Variants in RALYL observed in about 807,000 individuals in gnomAD.
RALYL encodes the protein RALY RNA binding protein like, also known as RNA-binding Raly-like protein.
RALYL carries 29 observed loss-of-function variants against 35.1 expected under a neutral mutation model. The ratio of observed to expected loss-of-function variants is 0.83; its 90% CI spans 0.61 to 1.13. The LOEUF (loss-of-function observed/expected upper bound fraction) is 1.13. RALYL is among the 50% of genes most tolerant of loss of function. RALYL has a pLI of 0.00. For synonymous variants in RALYL, 120 were observed against 127.6 expected, an observed-to-expected ratio of 0.94 and a Z score of 0.40; for missense variants, 359 against 360.4, an observed-to-expected ratio of 1.00 and a Z score of 0.03.
chr8:84,502,467 T>C (rs1246103657), intron 1 of RALYL, among the ~76,000 whole-genome samples: 1 of 152,016 alleles, frequency 6.6e-6, no homozygotes, highest in Non-Finnish European at 1.5e-5. Flanking sequence ...TTAATTGCTA[T>C]TTGCAACAGG....
intron 2 of RALYL, among the ~76,000 whole-genome samples, chr8:84,753,509 C>T (rs1252187596): frequency 6.6e-6 from 1 of 152,032 alleles, no homozygotes; most frequent in African/African-American, 2.4e-5. Flanking sequence ...GTGTCCCTGC[C>T]CAAATCTCAT....
chr8:84,414,571 A>G (rs1025066104), intron 1 of RALYL, among the ~76,000 whole-genome samples: 2 of 152,184 alleles, frequency 1.3e-5, no homozygotes, highest in Non-Finnish European at 2.9e-5. Flanking sequence ...GATTTCGAGC[A>G]TATTTGACGT....
At chr8:84,423,680 G>C (rs1364500247) in intron 1 of RALYL, among the ~76,000 whole-genome samples, 3 of 151,738 alleles carry the variant, frequency 2.0e-5, no homozygotes, top group Non-Finnish European at 4.4e-5. Flanking sequence ...TTTTGCAGTG[G>C]CTGGTACCGG....
At chr8:84,668,655 C>T (rs1832568695) in intron 2 of RALYL, among the ~76,000 whole-genome samples, 1 of 152,036 alleles carries the variant, frequency 6.6e-6, no homozygotes, top group Non-Finnish European at 1.5e-5. Flanking sequence ...TTATGAGACA[C>T]TGTACAAATA....
At position 84,754,059 on chromosome 8, in the gene RALYL, G is replaced by T. The variant is rs556124652; in HGVS notation, c.257-20520G>T. ...TATTAGCCCTTTGTCAGATGAGTAG[G>T]TTGCGAAAATTTTCTCCCATTTTGT... On this transcript the variant is annotated intron_variant, in intron 2 of 8. Transcript: ENST00000521268. 4.6e-5 allele frequency among the ~76,000 whole-genome samples: 7 copies of T among 151,826 alleles called. No homozygotes were observed. In the South Asian group the frequency reaches 1.3e-3, roughly 27 times the overall value.
At chr8:84,635,773 A>C (rs1824935044) in intron 2 of RALYL, among the ~76,000 whole-genome samples, 1 of 151,762 alleles carries the variant, frequency 6.6e-6, no homozygotes, top group African/African-American at 2.4e-5. Context: ...TGGTGCGCAG[A>C]ATGGAAATAT....
At chr8:84,238,863 T>C (rs1827217939) in intron 1 of RALYL, among the ~76,000 whole-genome samples, 1 of 152,206 alleles carries the variant, frequency 6.6e-6, no homozygotes, top group African/African-American at 2.4e-5. Context: ...CTGTAATTAA[T>C]ATAATGAATT....
rs140792449 is a variant in RALYL, at chr8:84,886,927, T to C, written c.686-677T>C. 4.6e-5 allele frequency among the ~76,000 whole-genome samples: 7 copies of C among 152,326 alleles called. No individual in the cohort carries two copies. In the East Asian group the frequency reaches 1.4e-3, roughly 29 times the overall value. On this transcript the variant is annotated intron_variant, in intron 7 of 8. Coordinates refer to ENST00000521268, the MANE Select transcript of RALYL (RefSeq NM_173848.7). ...AAAACTGAGACACATGGAGGGTTAATCATTTCCACTTTGCACAGCATCACA... is the reference window on the plus strand; with the variant it reads ...AAAACTGAGACACATGGAGGGTTAACCATTTCCACTTTGCACAGCATCACA...
At chr8:84,776,228 C>T (rs1816804359) in intron 3 of RALYL, among the ~76,000 whole-genome samples, 3 of 152,132 alleles carry the variant, frequency 2.0e-5, no homozygotes, top group East Asian at 1.9e-4. Flanking sequence ...CTTATAGCCT[C>T]ATTTTTTGAA....
chr8:84,314,726 C>G (rs1035963153), intron 1 of RALYL, among the ~76,000 whole-genome samples: 1 of 152,020 alleles, frequency 6.6e-6, no homozygotes, highest in Non-Finnish European at 1.5e-5. Context: ...AGTGAGACCC[C>G]ATCGTTAATC....
chr8:84,542,213 T>C (rs911913817), intron 2 of RALYL, among the ~76,000 whole-genome samples: 1 of 152,108 alleles, frequency 6.6e-6, no homozygotes, highest in Admixed American at 6.6e-5. Flanking sequence ...GCTTATACCA[T>C]TTTACTTTTT....
chr8:84,627,443 G>GC (rs1283792362), intron 2 of RALYL, among the ~76,000 whole-genome samples: 1 of 146,258 alleles, frequency 6.8e-6, no homozygotes, highest in African/African-American at 2.5e-5. Context: ...GCTCTCCAGA[G>GC]AGAGGTCTTA....
In RALYL at chr8:84,830,993, A is replaced by G. The variant is rs1360950522; in HGVS notation, c.366-18987A>G. ...ATTGCAGAGGAAAAGAAGGTCAATA[A>G]ATGATATTAAGGAAAATTAACAAAT... On this transcript the variant is annotated intron_variant, in intron 4 of 8. Transcript: ENST00000521268. Among the ~76,000 whole-genome samples the G allele has an allele frequency of 2.0e-5, 3 of 152,216 alleles. No individual in the cohort carries two copies. In the East Asian group the frequency reaches 5.8e-4, roughly 29 times the overall value.
intron 2 of RALYL, among the ~76,000 whole-genome samples, chr8:84,654,354 T>TA (rs1033180234): frequency 6.9e-6 from 1 of 144,266 alleles, no homozygotes; most frequent in African/African-American, 2.5e-5. Flanking sequence ...GATATTTTGA[T>TA]ACAGACATAT....
intron 7 of RALYL, among the ~76,000 whole-genome samples, chr8:84,879,972 T>A (rs755217357): frequency 6.6e-6 from 1 of 152,090 alleles, no homozygotes; most frequent in Non-Finnish European, 1.5e-5. Flanking sequence ...GGCAGAATAA[T>A]TTTTTGAATT....
intron 2 of RALYL, among the ~76,000 whole-genome samples, chr8:84,703,666 G>C (rs1281413303): frequency 4.6e-5 from 7 of 152,034 alleles, no homozygotes. Context: ...AATGACATTT[G>C]AGTCATTAGT....
intron 2 of RALYL, among the ~76,000 whole-genome samples, chr8:84,714,118 G>C (rs964369360): frequency 6.6e-6 from 1 of 151,690 alleles, no homozygotes; most frequent in African/African-American, 2.4e-5. Flanking sequence ...GATAAACCTA[G>C]AGGACATTAT....
At chr8:84,772,859 A>G (rs1033141339) in intron 2 of RALYL, among the ~76,000 whole-genome samples, 1 of 152,154 alleles carries the variant, frequency 6.6e-6, no homozygotes, top group Non-Finnish European at 1.5e-5. Flanking sequence ...TATTATATAA[A>G]GTTTAATATA....
intron 2 of RALYL, among the ~76,000 whole-genome samples, chr8:84,652,300 G>A (rs1204038044): frequency 3.3e-5 from 5 of 152,038 alleles, no homozygotes; most frequent in South Asian, 4.1e-4. Context: ...AATAGTAAGC[G>A]TAATAGATAC....
Sources: gnomAD v4.1 joint callset for allele counts (sites outside exome capture counted in the v4.1 genomes callset) on GRCh38, gnomAD v4.1.1 for gene constraint, MANE v1.5 for transcripts, NCBI Gene and HGNC (gene_info 2026-07-23, HGNC 2026-07-21) for gene names.